Variants in MGST1 observed in about 807,000 individuals in gnomAD.
The protein encoded by MGST1 is glutathione S-transferase 12.
A neutral mutation model predicts 8.9 loss-of-function variants in MGST1; 5 were observed. The ratio of observed to expected loss-of-function variants is 0.56; its 90% CI spans 0.29 to 1.19. MGST1 has a LOEUF of 1.19. MGST1 is among the 50% of genes most tolerant of loss of function. MGST1 has a pLI of 0.08. For synonymous variants in MGST1, 54 were observed against 67.8 expected (o/e 0.80, Z 1.00); for missense variants, 182 against 187.4 (o/e 0.97, Z 0.17).
rs1325652023 is a variant in MGST1, at chr12:16,497,139, C to T, written n.483-92389C>T. 6.6e-6 allele frequency among the ~76,000 whole-genome samples: 1 copy of T among 152,164 alleles called. No individual in the cohort carries two copies. The highest frequency in any genetic ancestry group is 2.4e-5 in the African/African-American group (1 of 41,448). On this transcript the variant is annotated intron_variant and non_coding_transcript_variant, in intron 4 of 4. Coordinates refer to the MGST1 transcript ENST00000538857. This position sits in a 1 kb window ranked among gnomAD's most constrained non-coding sequence, Gnocchi z 4.4. ...GAAAAGATGAGAACCACTGAATCTG[C>T]ATCCTTTGCTGTCGGAATCAAATGT...
At chr12:16,574,136 A>G (rs1942917951) in intron 4 of MGST1, among the ~76,000 whole-genome samples, 1 of 152,154 alleles carries the variant, frequency 6.6e-6, no homozygotes, top group Non-Finnish European at 1.5e-5. Context: ...CCATTATAAA[A>G]ATGCAACACC....
At chr12:16,459,297 G>A (rs564143029) in intron 4 of MGST1, among the ~76,000 whole-genome samples, 25 of 152,092 alleles carry the variant, frequency 1.6e-4, no homozygotes, top group African/African-American at 5.3e-4. Flanking sequence ...GAAACTTGTG[G>A]CTAATACCAT....
rs866779636 is a variant in MGST1 at position 16,566,039 on chromosome 12, T to A, written n.483-23489T>A. On this transcript the variant is annotated intron_variant and non_coding_transcript_variant, in intron 4 of 4. Coordinates refer to the MGST1 transcript ENST00000538857. ...ATATATATATATATATATATATATA[T>A]AAAATGGAGTACTATTCAGCCATAA... Among the ~76,000 whole-genome samples, 337 of 86,460 alleles carry A rather than the reference T, an allele frequency of 3.9e-3. 2 individuals are homozygous for A. Among genetic ancestry groups the A allele is most frequent in the Middle Eastern group, 6.7e-3 (1 of 150 alleles). The allele number at this position is 86,460 out of a possible 152,430, so 56.7% of individuals were successfully genotyped here. A position where few individuals can be genotyped will look rare whatever the true frequency, so the allele number is the denominator to read the frequency against.
Position 16,466,541 on chromosome 12 carries a change from A to G in MGST1, n.482+82937A>G, listed in dbSNP as rs148181251. ...GATTTAATGAAAGTGTTGATACCAC[A>G]CTGAAGAAAAAAAGACTGATTTTTT... On this transcript the variant is annotated intron_variant and non_coding_transcript_variant, in intron 4 of 4. Transcript: ENST00000538857. Among the ~76,000 whole-genome samples, 380 of 152,304 alleles carry G rather than the reference A, an allele frequency of 2.5e-3. 9 individuals carry two copies. In the East Asian group the frequency reaches 0.026, roughly 10 times the overall value.
intron 4 of MGST1, among the ~76,000 whole-genome samples, chr12:16,583,137 A>G (rs1309346168): frequency 6.6e-6 from 1 of 152,096 alleles, no homozygotes; most frequent in Non-Finnish European, 1.5e-5. Flanking sequence ...CAACACTATT[A>G]AAAGAGAAGA....
In MGST1 at chr12:16,505,307, T is replaced by A. The variant is rs1941530589; in HGVS notation, n.483-84221T>A. 3.9e-5 allele frequency among the ~76,000 whole-genome samples: 6 copies of A among 152,188 alleles called. No individual in the cohort carries two copies. In the South Asian group the frequency reaches 1.2e-3, roughly 31 times the overall value. ...TTTATATTCTGTGTCTCAAGCTATA[T>A]GGACTCCTTGAGGTTCATCCATAGA... is the stretch of plus-strand genomic sequence containing the variant. On this transcript the variant is annotated intron_variant and non_coding_transcript_variant, in intron 4 of 4. Transcript: ENST00000538857.
chr12:16,415,845 G>C (rs1940783245), intron 1 of MGST1, among the ~76,000 whole-genome samples: 1 of 151,988 alleles, frequency 6.6e-6, no homozygotes, highest in African/African-American at 2.4e-5. Flanking sequence ...ACAAACGAGG[G>C]GAAATGGCAG....
intron 1 of MGST1, among the ~76,000 whole-genome samples, chr12:16,423,006 C>T (rs759188527): frequency 6.6e-6 from 1 of 152,148 alleles, no homozygotes; most frequent in Non-Finnish European, 1.5e-5. Flanking sequence ...ACCCTGTGAA[C>T]TCTAGCAGCC....
At chr12:16,477,714 CTTATT>C (rs1302756791) in intron 4 of MGST1, among the ~76,000 whole-genome samples, 2 of 152,112 alleles carry the variant, frequency 1.3e-5, no homozygotes, top group Non-Finnish European at 2.9e-5. Flanking sequence ...TACTTGATTC[CTTATT>C]TTAAGTCTTG....
intron 4 of MGST1, among the ~76,000 whole-genome samples, chr12:16,558,969 ACAGCTAATATAT>A (rs747294727): frequency 1.6e-4 from 24 of 152,304 alleles, no homozygotes; most frequent in Middle Eastern, 3.4e-3. Context: ...TCAAGATCAC[ACAGCTAATATAT>A]CAGCTAATAT....
At chr12:16,570,402 ATT>A (rs928544168) in intron 4 of MGST1, among the ~76,000 whole-genome samples, 1 of 151,354 alleles carries the variant, frequency 6.6e-6, no homozygotes, top group Non-Finnish European at 1.5e-5. Flanking sequence ...GTTTGAAAAT[ATT>A]TTTTTTTACT....
intron 4 of MGST1, among the ~76,000 whole-genome samples, chr12:16,493,608 G>A (rs747675868): frequency 6.6e-6 from 1 of 152,246 alleles, no homozygotes; most frequent in South Asian, 2.1e-4. Flanking sequence ...ATAGTAATCA[G>A]AGAAGTATTT....
At chr12:16,447,584 A>G (rs1363412409) in intron 4 of MGST1, among the ~76,000 whole-genome samples, 2 of 151,934 alleles carry the variant, frequency 1.3e-5, no homozygotes, top group African/African-American at 2.4e-5. Flanking sequence ...GACTGATCTC[A>G]TATGTCGGGA....
At chr12:16,406,234 A>G (rs1446626152) in intron 1 of MGST1, among the ~76,000 whole-genome samples, 1 of 152,150 alleles carries the variant, frequency 6.6e-6, no homozygotes, top group Non-Finnish European at 1.5e-5. Flanking sequence ...TAGAAAATCA[A>G]TATACAAAAA....
chr12:16,408,046 A>C (rs1940711253), intron 1 of MGST1, among the ~76,000 whole-genome samples: 1 of 150,142 alleles, frequency 6.7e-6, no homozygotes, highest in South Asian at 2.1e-4. Flanking sequence ...AAAAAAAAAA[A>C]AAAAAAAAAA....
chr12:16,406,471 A>C (rs1290341369), intron 1 of MGST1, among the ~76,000 whole-genome samples: 2 of 152,268 alleles, frequency 1.3e-5, no homozygotes, highest in Non-Finnish European at 2.9e-5. Flanking sequence ...CAATATCATT[A>C]AAATGACCAT....
chr12:16,506,425 G>A (rs913447839), intron 4 of MGST1, among the ~76,000 whole-genome samples: 3 of 152,088 alleles, frequency 2.0e-5, no homozygotes, highest in African/African-American at 4.8e-5. Context: ...TGTGAAGATG[G>A]TATGGAAAAA....
At position 16,582,452 on chromosome 12, in the gene MGST1, A is replaced by G. The variant is rs1447363049; in HGVS notation, n.483-7076A>G. Reference sequence around the variant, plus strand: ...TATTTTATATTGTCTTTATCAGGTCAAGGTACTGTATTAGAGTTATGTTAG... The same window carrying G: ...TATTTTATATTGTCTTTATCAGGTCGAGGTACTGTATTAGAGTTATGTTAG... On this transcript the variant is annotated intron_variant and non_coding_transcript_variant, in intron 4 of 4. Transcript: ENST00000538857. The surrounding 1 kb of genome is among the most constrained non-coding windows in gnomAD (Gnocchi z 4.1). Among the ~76,000 whole-genome samples the G allele has an allele frequency of 6.6e-6, 1 of 152,166 alleles. No homozygotes were observed. Among genetic ancestry groups the G allele is most frequent in the African/African-American group, 2.4e-5 (1 of 41,442 alleles).
At chr12:16,523,484 G>A (rs1351155119) in intron 4 of MGST1, among the ~76,000 whole-genome samples, 1 of 151,972 alleles carries the variant, frequency 6.6e-6, no homozygotes, top group Non-Finnish European at 1.5e-5. Flanking sequence ...CATGCCTGTT[G>A]CTGCCCACAG....
Sources: allele counts gnomAD v4.1 joint callset (sites outside exome capture counted in the v4.1 genomes callset), GRCh38; gene constraint gnomAD v4.1.1; non-coding constraint Gnocchi (gnomAD v3.1); transcripts MANE v1.5; gene names NCBI Gene and HGNC (gene_info 2026-07-23, HGNC 2026-07-21).